UBR4: variants seen among roughly 807,000 people sequenced by gnomAD.
UBR4 encodes ubiquitin protein ligase E3 component n-recognin 4.
Under a neutral mutation model 575.6 loss-of-function variants are expected in UBR4, and 124 were observed. That is an observed-to-expected ratio of 0.22 (90% confidence interval 0.19 to 0.25). The LOEUF is 0.25. Among genes scored for constraint, UBR4 ranks in the 10% least tolerant of loss-of-function variants. The pLI is 1.00. For synonymous variants in UBR4, 2,455 were observed against 2,473.7 expected, an observed-to-expected ratio of 0.99 and a Z score of 0.22; for missense variants, 4,818 against 6,478.8, an observed-to-expected ratio of 0.74 and a Z score of 8.80.
chr1:19,098,717 AG>A (rs2078308999), intron 90 of UBR4, among the ~76,000 whole-genome samples: 1 of 152,224 alleles, frequency 6.6e-6, no homozygotes, highest in Non-Finnish European at 1.5e-5. Flanking sequence ...AAGAAAGGAG[AG>A]AGGCGGAAAT....
rs773652778 is a variant in UBR4 at position 19,192,167 on chromosome 1, TATAATCAA to T, written c.1394+13_1394+20del. The T allele has an allele frequency of 1.9e-6, 3 of 1,599,906 alleles. No individual in the cohort carries two copies. In the East Asian group the frequency reaches 6.7e-5, roughly 36 times the overall value. ...TAGCGAAATAAAACAAAATATAAGT[TATAATCAA>T]GTAGACACATACCCTTTTCCAGGCC... On this transcript the variant is annotated intron_variant, in intron 11 of 105. Transcript: ENST00000375254.
chr1:19,201,462 G>T (rs1016864813), intron 2 of UBR4, among the ~76,000 whole-genome samples: 2 of 152,190 alleles, frequency 1.3e-5, no homozygotes, highest in Admixed American at 1.3e-4. Flanking sequence ...GGATTAAGAA[G>T]GGAAAGGAGG....
At chr1:19,086,075 C>A in intron 101 of UBR4, 70 bp downstream of exon 101, 2 of 1,568,656 alleles carry the variant, frequency 1.3e-6, no homozygotes, top group Admixed American at 1.8e-5. Flanking sequence ...GGGGATTGGG[C>A]TGATAGCGGG....
At chr1:19,097,609 T>C (rs1027779821) in intron 90 of UBR4, among the ~76,000 whole-genome samples, 5 of 152,240 alleles carry the variant, frequency 3.3e-5, no homozygotes, top group Non-Finnish European at 7.3e-5. Flanking sequence ...AATTAAGTAC[T>C]TTCTATGATC....
At chr1:19,199,884 AGG>A in intron 2 of UBR4, 130 bp from the exon 3 acceptor site, 1 of 774,466 alleles carries the variant, frequency 1.3e-6, no homozygotes. Flanking sequence ...CAAAAACCCA[AGG>A]GGTAAACAAA....
At chr1:19,138,279 C>G (rs2274001) in intron 59 of UBR4, 98 bp from the exon 60 acceptor site, 1 of 1,267,070 alleles carries the variant, frequency 7.9e-7, no homozygotes, top group African/African-American at 1.5e-5. Flanking sequence ...CAGTAACTGA[C>G]AGCATTAGAC....
intron 51 of UBR4, 65 bp downstream of exon 51, chr1:19,147,928 T>C (rs1446187672): frequency 6.3e-7 from 1 of 1,576,734 alleles, no homozygotes; most frequent in South Asian, 1.1e-5. Flanking sequence ...TGCTTTACAA[T>C]GAAAAGCTAA....
intron 20 of UBR4, among the ~76,000 whole-genome samples, chr1:19,175,568 A>C (rs2090153129): frequency 6.6e-6 from 1 of 152,208 alleles, no homozygotes; most frequent in Admixed American, 6.6e-5. Context: ...TCATCCAAAG[A>C]ACAGACAATT....
chr1:19,147,520 C>T (rs900408153), intron 51 of UBR4, among the ~76,000 whole-genome samples: 3 of 152,164 alleles, frequency 2.0e-5, no homozygotes, highest in African/African-American at 4.8e-5. Flanking sequence ...TCTCCTTTGG[C>T]AATGCCTTTC....
chr1:19,154,422 C>T (rs187247836), intron 44 of UBR4, among the ~76,000 whole-genome samples: 29 of 152,304 alleles, frequency 1.9e-4, no homozygotes, highest in African/African-American at 6.7e-4. Flanking sequence ...CTTCTTCCTC[C>T]TCCCTAAATG....
chr1:19,182,835 CATG>C (rs1470400483), intron 17 of UBR4, among the ~76,000 whole-genome samples: 4 of 152,152 alleles, frequency 2.6e-5, no homozygotes, highest in African/African-American at 7.2e-5. Context: ...TTACATACAG[CATG>C]ATGTCATTTG....
intron 26 of UBR4, among the ~76,000 whole-genome samples, chr1:19,169,854 T>C (rs1481709666): frequency 6.6e-6 from 1 of 152,232 alleles, no homozygotes; most frequent in Non-Finnish European, 1.5e-5. Context: ...CCATTAAACA[T>C]CTGCTCCCCT....
chr1:19,158,029 G>A, intron 39 of UBR4, 32 bp from the exon 40 acceptor site: 1 of 1,591,586 alleles, frequency 6.3e-7, no homozygotes, highest in Non-Finnish European at 8.6e-7. Context: ...AAAGTGGGCA[G>A]TAATGAGGCA....
intron 51 of UBR4, 30 bp from the exon 52 acceptor site, chr1:19,147,030 G>A: frequency 6.4e-7 from 1 of 1,552,112 alleles, no homozygotes; most frequent in Non-Finnish European, 8.7e-7. Context: ...CAGAGGGTCA[G>A]CCATAAGCAA....
At chr1:19,165,627 T>G (rs766330114) in intron 30 of UBR4, 29 bp downstream of exon 30, 2 of 1,598,624 alleles carry the variant, frequency 1.3e-6, no homozygotes, top group Non-Finnish European at 1.7e-6. Context: ...TCAAAAAATA[T>G]TCACTGAATA....
Position 19,124,387 on chromosome 1 carries a change from G to GT in UBR4, c.9588+153dup. The GT allele has an allele frequency of 4.2e-6, 4 of 952,380 alleles. No homozygotes were observed. The South Asian group carries it at 7.3e-5, about 17-fold the overall frequency. The allele number at this position is 952,380 out of a possible 1,614,324, so 59.0% of individuals were successfully genotyped here. A position where few individuals can be genotyped will look rare whatever the true frequency, so the allele number is the denominator to read the frequency against. On this transcript the variant is annotated intron_variant, in intron 65 of 105. Coordinates refer to ENST00000375254, the MANE Select transcript of UBR4 (RefSeq NM_020765.3). ...ACATCTCCCACAGTTCTACCACACA[G>GT]TATGTTCCAGAAGGGCAAGACCAAG...
chr1:19,106,815 C>A (rs781409592), intron 82 of UBR4, 22 bp downstream of exon 82: 4 of 1,608,496 alleles, frequency 2.5e-6, no homozygotes, highest in Non-Finnish European at 3.4e-6. Flanking sequence ...GACTTCCCGG[C>A]GTCTTGAAGA....
At chr1:19,136,880 A>G (rs1397070983) in intron 60 of UBR4, among the ~76,000 whole-genome samples, 1 of 152,208 alleles carries the variant, frequency 6.6e-6, no homozygotes, top group Non-Finnish European at 1.5e-5. Context: ...AGAGATGTTA[A>G]GCGGCTTACG....
chr1:19,132,860 A>G (rs2149762419), intron 60 of UBR4, among the ~76,000 whole-genome samples: 1 of 152,208 alleles, frequency 6.6e-6, no homozygotes, highest in East Asian at 1.9e-4. Context: ...TAAAACTGAC[A>G]ACTTTAATAA....
Sources: allele counts gnomAD v4.1 joint callset (sites outside exome capture counted in the v4.1 genomes callset), GRCh38; gene constraint gnomAD v4.1.1; transcripts MANE v1.5; gene names NCBI Gene and HGNC (gene_info 2026-07-23, HGNC 2026-07-21).